The following CAPN13 variants were observed in gnomAD, a reference collection of about 807,000 sequenced individuals.
CAPN13 encodes the protein calpain-13.
In CAPN13, 90 loss-of-function variants were observed where a neutral mutation model predicts 98.4. That is an observed-to-expected ratio of 0.92 (90% CI 0.77 to 1.09). CAPN13 has a LOEUF of 1.09. Among genes scored for constraint, CAPN13 ranks in the 50% least tolerant of loss-of-function variants. CAPN13 has a pLI of 0.00. For missense variants in CAPN13, 887 were observed against 841.3 expected (o/e 1.05, Z -0.67); for synonymous variants, 330 against 305.5 (o/e 1.08, Z -0.84).
intron 20 of CAPN13, 151 bp downstream of exon 20, chr2:30,732,287 T>A: frequency 1.1e-6 from 1 of 875,490 alleles, no homozygotes; most frequent in Non-Finnish European, 1.7e-6. Flanking sequence ...TCACACCATC[T>A]ACAGCCTCGG....
intron 22 of CAPN13, chr2:30,729,825 C>A (rs1032529066): frequency 6.6e-6 from 1 of 152,182 alleles, no homozygotes; most frequent in African/African-American, 2.4e-5. Context: ...CACAGGTCGG[C>A]TGCGTGAAGA....
At chr2:30,802,934 G>T (rs1675375191) in intron 1 of CAPN13, among the ~76,000 whole-genome samples, 1 of 152,204 alleles carries the variant, frequency 6.6e-6, no homozygotes. Flanking sequence ...TTGAGGACAG[G>T]TCTGAGGGGA....
At position 30,741,921 on chromosome 2, in the gene CAPN13, C is replaced by T. The variant is rs1391044979; in HGVS notation, c.1523G>A (p.Arg508Lys). The T allele has an allele frequency of 1.9e-6, 3 of 1,613,866 alleles. No individual in the cohort carries two copies. The South Asian group carries it at 3.3e-5, about 18-fold the overall frequency. Residue 508 changes from arginine (R) to lysine (K), a missense_variant, in exon 15 of 23, where the codon AGA (arginine) becomes AAA (lysine). Transcript: ENST00000295055. ...TAGGTACCATACCTGCTGAGCATATCTGTTGAAAATGCTTTGTTGGGAGCC... is the reference window on the plus strand; with the variant it reads ...TAGGTACCATACCTGCTGAGCATATTTGTTGAAAATGCTTTGTTGGGAGCC... ...EHGSQQSIFNRYAQQRLDIDA... is the reference protein window; with the variant it reads ...EHGSQQSIFNKYAQQRLDIDA...
At chr2:30,793,298 A>G (rs2148089838) in intron 1 of CAPN13, among the ~76,000 whole-genome samples, 1 of 151,746 alleles carries the variant, frequency 6.6e-6, no homozygotes, top group African/African-American at 2.4e-5. Flanking sequence ...ATATTAAAAA[A>G]TTATATTATT....
chr2:30,745,664 T>C, intron 12 of CAPN13, 59 bp downstream of exon 12: 1 of 1,583,382 alleles, frequency 6.3e-7, no homozygotes. Flanking sequence ...GGAAGTGGCC[T>C]AACACTCCAC....
intron 15 of CAPN13, chr2:30,741,599 G>A (rs1482196859): frequency 3.5e-5 from 39 of 1,129,968 alleles, no homozygotes; most frequent in Non-Finnish European, 4.2e-5. Flanking sequence ...AGGTTTCACG[G>A]GGTACTGCCA....
At chr2:30,758,313 T>C (rs964061312) in intron 7 of CAPN13, among the ~76,000 whole-genome samples, 176 bp from the exon 8 acceptor site, 2 of 152,218 alleles carry the variant, frequency 1.3e-5, no homozygotes, top group Admixed American at 1.3e-4. Context: ...ACTGCCTGCA[T>C]GGCGTTGGAA....
chr2:30,751,014 A>C, intron 11 of CAPN13, 89 bp downstream of exon 11: 4 of 1,442,378 alleles, frequency 2.8e-6, no homozygotes, highest in Non-Finnish European at 3.8e-6. Flanking sequence ...GGTGCAGTCA[A>C]ATCTCCCAGC....
intron 19 of CAPN13, among the ~76,000 whole-genome samples, chr2:30,734,197 T>G (rs1441490105): frequency 1.3e-5 from 2 of 152,156 alleles, no homozygotes; most frequent in South Asian, 4.1e-4. Context: ...TTCTCACAAT[T>G]AGAGCTGTGC....
intron 18 of CAPN13, among the ~76,000 whole-genome samples, chr2:30,735,256 C>A (rs1428359207): frequency 1.3e-5 from 2 of 152,162 alleles, no homozygotes; most frequent in Admixed American, 6.5e-5. Context: ...AGGCAGGGAA[C>A]ATTTTGCCTT....
chr2:30,756,785 C>T (rs1463234747), intron 8 of CAPN13, among the ~76,000 whole-genome samples: 1 of 152,140 alleles, frequency 6.6e-6, no homozygotes, highest in Non-Finnish European at 1.5e-5. Flanking sequence ...GAAACGGGGG[C>T]AGGGAGGGGG....
intron 1 of CAPN13, among the ~76,000 whole-genome samples, chr2:30,796,146 A>ATATATATATACATATATATGTGTG (rs1558347236): frequency 8.3e-4 from 120 of 144,562 alleles, no homozygotes; most frequent in African/African-American, 1.9e-3. Flanking sequence ...ATATGTGTGT[A>ATATATATATACATATATATGTGTG]TATATATATA....
intron 2 of CAPN13, among the ~76,000 whole-genome samples, chr2:30,783,062 G>A (rs1674074795): frequency 6.6e-6 from 1 of 152,124 alleles, no homozygotes; most frequent in African/African-American, 2.4e-5. Context: ...TCTATTTAAT[G>A]AGGATGATAG....
rs148669838 is a variant in CAPN13 at position 30,795,385 on chromosome 2, T to C, written c.-32-8028A>G. Among the ~76,000 whole-genome samples the C allele has an allele frequency of 8.8e-3, 1,346 of 152,210 alleles. 13 individuals carry two copies. Among genetic ancestry groups the C allele is most frequent in the African/African-American group, 0.03 (1,266 of 41,580 alleles). Reference sequence around the variant, plus strand: ...CCAATTTATAATTTCACCAACAGTGTAAAAGAGTTGCCATTGCTATATATC... The same window carrying C: ...CCAATTTATAATTTCACCAACAGTGCAAAAGAGTTGCCATTGCTATATATC... On this transcript the variant is annotated intron_variant, in intron 1 of 22. Coordinates refer to ENST00000295055, the MANE Select transcript of CAPN13 (RefSeq NM_144575.3).
At chr2:30,735,095 G>A (rs1671292031) in intron 18 of CAPN13, among the ~76,000 whole-genome samples, 1 of 152,178 alleles carries the variant, frequency 6.6e-6, no homozygotes, top group African/African-American at 2.4e-5. Context: ...TTGCTTCCTG[G>A]AGCCCAGCAC....
At chr2:30,754,681 G>A (rs1392188023) in intron 8 of CAPN13, among the ~76,000 whole-genome samples, 1 of 152,002 alleles carries the variant, frequency 6.6e-6, no homozygotes, top group Non-Finnish European at 1.5e-5. Flanking sequence ...CCTATTGCCT[G>A]AGCGAGAACA....
intron 7 of CAPN13, among the ~76,000 whole-genome samples, chr2:30,760,642 G>A (rs1382512027): frequency 3.9e-5 from 6 of 152,194 alleles, no homozygotes; most frequent in Non-Finnish European, 8.8e-5. Flanking sequence ...CACATTTATG[G>A]GCTGGTTTAA....
intron 5 of CAPN13, among the ~76,000 whole-genome samples, chr2:30,765,447 G>A (rs1673064652): frequency 6.6e-6 from 1 of 152,180 alleles, no homozygotes; most frequent in Non-Finnish European, 1.5e-5. Flanking sequence ...AGGGTAGAAG[G>A]CAGTGGAGGA....
intron 11 of CAPN13, among the ~76,000 whole-genome samples, chr2:30,747,723 C>T (rs1221584076): frequency 6.6e-6 from 1 of 152,234 alleles, no homozygotes; most frequent in Non-Finnish European, 1.5e-5. Context: ...CTGGAGCCTT[C>T]TGAGAGCCTG....
Sources: allele counts gnomAD v4.1 joint callset (sites outside exome capture counted in the v4.1 genomes callset), GRCh38; gene constraint gnomAD v4.1.1; transcripts MANE v1.5; gene names NCBI Gene and HGNC (gene_info 2026-07-23, HGNC 2026-07-21).